The following SLC35F4 variants were observed in gnomAD, a reference collection of about 807,000 sequenced individuals.
SLC35F4 encodes the protein chromosome 14 open reading frame 36.
SLC35F4 carries 24 observed loss-of-function variants against 44.2 expected under a neutral mutation model. The ratio of observed to expected loss-of-function variants is 0.54; its 90% CI spans 0.39 to 0.76. The LOEUF is 0.76. Among genes scored for constraint, SLC35F4 ranks in the 30% least tolerant of loss-of-function variants. SLC35F4 has a pLI of 0.00. For synonymous variants in SLC35F4, 238 were observed against 223.6 expected, an observed-to-expected ratio of 1.06 and a Z score of -0.57; for missense variants, 562 against 586.1, an observed-to-expected ratio of 0.96 and a Z score of 0.42.
At chr14:57,964,991 A>ATATATATATATATATATATATATAT (rs1279192848) in intron 1 of SLC35F4, among the ~76,000 whole-genome samples, 1 of 115,696 alleles carries the variant, frequency 8.6e-6, no homozygotes, top group Admixed American at 8.5e-5. Flanking sequence ...AAAAAAAAAA[A>ATATATATATATATATATATATATAT]ATATATATAT....
chr14:57,808,097 G>A (rs1206729572), intron 1 of SLC35F4, among the ~76,000 whole-genome samples: 1 of 151,800 alleles, frequency 6.6e-6, no homozygotes, highest in Non-Finnish European at 1.5e-5. Context: ...TGGGGATAAT[G>A]GGAACTACAA....
intron 1 of SLC35F4, among the ~76,000 whole-genome samples, chr14:57,856,185 G>C (rs955796540): frequency 6.6e-6 from 1 of 151,972 alleles, no homozygotes; most frequent in African/African-American, 2.4e-5. Flanking sequence ...ATGTCAGGGG[G>C]TGGGGGAGCT....
chr14:57,711,452 C>A (rs923167427), intron 1 of SLC35F4, among the ~76,000 whole-genome samples: 2 of 152,066 alleles, frequency 1.3e-5, no homozygotes, highest in Non-Finnish European at 2.9e-5. Context: ...TGGTTATGAC[C>A]GAGTTAAACT....
At chr14:57,941,071 T>A (rs1334900186) in intron 1 of SLC35F4, among the ~76,000 whole-genome samples, 1 of 152,188 alleles carries the variant, frequency 6.6e-6, no homozygotes, top group Non-Finnish European at 1.5e-5. Context: ...GTGGAGAACT[T>A]GGAACCCTTG....
chr14:57,866,720 G>C (rs1888171568), upstream of SLC35F4, among the ~76,000 whole-genome samples: 1 of 151,968 alleles, frequency 6.6e-6, no homozygotes, highest in Non-Finnish European at 1.5e-5. Flanking sequence ...CTCCTTTATT[G>C]CCAAAAATAT....
At chr14:57,786,774 C>T (rs535258499) in intron 1 of SLC35F4, among the ~76,000 whole-genome samples, 13 of 152,262 alleles carry the variant, frequency 8.5e-5, no homozygotes, top group African/African-American at 2.9e-4. Context: ...CAGCCTTCAG[C>T]CCTAGACCTT....
chr14:57,705,191 G>A (rs969695965), intron 1 of SLC35F4, among the ~76,000 whole-genome samples: 4 of 152,184 alleles, frequency 2.6e-5, no homozygotes, highest in African/African-American at 4.8e-5. Flanking sequence ...AAAATTACTG[G>A]AATTCAATCC....
chr14:57,966,190 C>T (rs911978796), intron 1 of SLC35F4, among the ~76,000 whole-genome samples: 3 of 152,218 alleles, frequency 2.0e-5, no homozygotes, highest in African/African-American at 7.2e-5. Flanking sequence ...TCTCCCAGCT[C>T]TTAGCAGCTC....
At chr14:57,627,100 T>C (rs1955414664) in intron 1 of SLC35F4, among the ~76,000 whole-genome samples, 1 of 152,152 alleles carries the variant, frequency 6.6e-6, no homozygotes, top group African/African-American at 2.4e-5. Context: ...ATTTTGTATA[T>C]AAAGTTCACA....
chr14:57,775,045 G>T (rs1157469164), intron 1 of SLC35F4, among the ~76,000 whole-genome samples: 2 of 152,050 alleles, frequency 1.3e-5, no homozygotes, highest in African/African-American at 4.8e-5. Flanking sequence ...TGCCACTAGT[G>T]CAAAACAAGG....
chr14:57,571,145 G>A (rs143236270), intron 5 of SLC35F4, among the ~76,000 whole-genome samples: 96 of 152,316 alleles, frequency 6.3e-4, no homozygotes, highest in African/African-American at 2.2e-3. Context: ...CAAGAGAGGT[G>A]AAATTGGAAC....
At chr14:57,854,321 T>A (rs2144071) in intron 1 of SLC35F4, among the ~76,000 whole-genome samples, 14,056 of 151,670 alleles carry the variant, frequency 0.093, 1,993 homozygotes, top group African/African-American at 0.3. Flanking sequence ...TTATAATTTT[T>A]AAAAAAAAAT....
At chr14:57,907,998 T>C (rs2141049482) in intron 1 of SLC35F4, among the ~76,000 whole-genome samples, 1 of 152,194 alleles carries the variant, frequency 6.6e-6, no homozygotes, top group Admixed American at 6.5e-5. Context: ...TGTGTTCATG[T>C]GTTCTCATTG....
At chr14:57,695,374 A>G (rs560524988) in intron 1 of SLC35F4, among the ~76,000 whole-genome samples, 147 of 151,542 alleles carry the variant, frequency 9.7e-4, no homozygotes, top group African/African-American at 3.4e-3. Context: ...ATGAACAGAC[A>G]CTTCTCAAAA....
At chr14:57,606,517 CA>C (rs1720283883) in intron 1 of SLC35F4, among the ~76,000 whole-genome samples, 1 of 152,310 alleles carries the variant, frequency 6.6e-6, no homozygotes, top group South Asian at 2.1e-4. Flanking sequence ...TAAGCTTTCA[CA>C]GTGACTTTTC....
chr14:57,590,226 C>CAAAAAAAAAAAAAAAAAAAAAAAAAAAA (rs55850524), intron 2 of SLC35F4, among the ~76,000 whole-genome samples: 7 of 119,168 alleles, frequency 5.9e-5, no homozygotes, highest in South Asian at 3.0e-4. Flanking sequence ...CTTGTCTATG[C>CAAAAAAAAAAAAAAAAAAAAAAAAAAAA]AAAAAAAAAA....
intron 1 of SLC35F4, among the ~76,000 whole-genome samples, chr14:57,756,893 C>T (rs2881614): frequency 0.019 from 2,848 of 152,044 alleles, 100 homozygotes; most frequent in African/African-American, 0.066. Context: ...AACTCCTGAG[C>T]CCAAATGATC....
At chr14:57,755,353 C>T (rs1324467174) in intron 1 of SLC35F4, among the ~76,000 whole-genome samples, 5 of 152,126 alleles carry the variant, frequency 3.3e-5, no homozygotes, top group African/African-American at 1.2e-4. Flanking sequence ...AGCCCCACTC[C>T]TGTCATAACC....
chr14:57,879,215 A>G (rs766018439), intron 1 of SLC35F4, among the ~76,000 whole-genome samples: 2 of 152,166 alleles, frequency 1.3e-5, no homozygotes, highest in East Asian at 1.9e-4. Flanking sequence ...TGCACTTTTC[A>G]AGAAAGTATT....
Sources: allele counts gnomAD v4.1 joint callset (sites outside exome capture counted in the v4.1 genomes callset), GRCh38; gene constraint gnomAD v4.1.1; transcripts MANE v1.5; gene names NCBI Gene and HGNC (gene_info 2026-07-23, HGNC 2026-07-21).